Variants in RPRD1B observed in about 807,000 individuals in gnomAD.
RPRD1B encodes the protein regulation of nuclear pre-mRNA domain-containing protein 1B.
In RPRD1B, 11 loss-of-function variants were observed where a neutral mutation model predicts 41.5. The observed-to-expected ratio is 0.27, with a 90% CI of 0.17 to 0.44. The LOEUF is 0.44. Among genes scored for constraint, RPRD1B ranks in the 20% least tolerant of loss-of-function variants. RPRD1B has a pLI of 1.00. For missense variants in RPRD1B, 248 were observed against 389.9 expected, an observed-to-expected ratio of 0.64 and a Z score of 3.06; for synonymous variants, 158 against 155.6, an observed-to-expected ratio of 1.02 and a Z score of -0.12.
At position 38,090,062 on chromosome 20, in the gene RPRD1B, C is replaced by T. The variant is rs1034471822; in HGVS notation, c.*187C>T. On this transcript the variant is annotated 3_prime_UTR_variant, in exon 7 of 7. Transcript: ENST00000373433. ...TCTTGAGCACAGTTCAGAACAGTGG[C>T]GACTGGAATCTGGTTTATATTCATA... 31 of 1,323,992 alleles carry T rather than the reference C, an allele frequency of 2.3e-5. No individual in the cohort carries two copies. The South Asian group carries it at 3.2e-4, about 14-fold the overall frequency. The allele number at this position is 1,323,992 out of a possible 1,614,324, so 82.0% of individuals were successfully genotyped here. A position where few individuals can be genotyped will look rare whatever the true frequency, so the allele number is the denominator to read the frequency against.
chr20:38,086,046 C>CA (rs2074558076), intron 6 of RPRD1B, among the ~76,000 whole-genome samples: 3 of 152,054 alleles, frequency 2.0e-5, no homozygotes, highest in Non-Finnish European at 2.9e-5. Flanking sequence ...CATGTTCGGG[C>CA]ACAAGTGATC....
chr20:38,041,323 C>G lies in RPRD1B; in HGVS notation c.281+759C>G, dbSNP rs539156254. ...GGAATTGGGAAACATGAATGGGAGA[C>G]TAGTAGGTTAAACATAAATTGTTAC... is the stretch of plus-strand genomic sequence containing the variant. On this transcript the variant is annotated intron_variant, in intron 2 of 6. Coordinates refer to ENST00000373433, the MANE Select transcript of RPRD1B (RefSeq NM_021215.4). 2.6e-5 allele frequency among the ~76,000 whole-genome samples: 4 copies of G among 152,128 alleles called. No individual in the cohort carries two copies. In the East Asian group the frequency reaches 7.7e-4, roughly 29 times the overall value.
chr20:38,055,223 A>G (rs1568650196), intron 3 of RPRD1B, among the ~76,000 whole-genome samples: 2 of 152,238 alleles, frequency 1.3e-5, no homozygotes, highest in African/African-American at 2.4e-5. Flanking sequence ...TGTAACAACA[A>G]ATTAGAAACA....
intron 6 of RPRD1B, among the ~76,000 whole-genome samples, chr20:38,080,612 G>A (rs955934217): frequency 1.3e-5 from 2 of 152,074 alleles, no homozygotes; most frequent in Non-Finnish European, 2.9e-5. Flanking sequence ...TGCAACCTCC[G>A]CCTCCCAGAT....
chr20:38,066,180 G>T lies in RPRD1B; in HGVS notation c.755G>T (p.Arg252Leu), dbSNP rs765188948. ...GRLAAELEDR[R>L]QLARMLVEYT... Reference sequence around the variant, plus strand: ...CTGGCAGCAGAACTGGAGGACCGTCGCCAGCTGGCTCGGATGTTGGTGGAG... The same window carrying T: ...CTGGCAGCAGAACTGGAGGACCGTCTCCAGCTGGCTCGGATGTTGGTGGAG... Residue 252 changes from arginine to leucine, a missense_variant, in exon 6 of 7, where the codon CGC (arginine) becomes CTC (leucine). Physicochemically the swap from Arg to Leu is moderately radical, Grantham distance 102. Transcript: ENST00000373433. 6.2e-7 allele frequency: 1 copy of T among 1,614,154 alleles called. No individual in the cohort carries two copies. Among genetic ancestry groups the T allele is most frequent in the Non-Finnish European group, 8.5e-7 (1 of 1,180,032 alleles).
chr20:38,054,611 GGTCT>G (rs1322451571), intron 3 of RPRD1B, among the ~76,000 whole-genome samples: 36 of 152,214 alleles, frequency 2.4e-4, no homozygotes, highest in Non-Finnish European at 4.7e-4. Flanking sequence ...CAAAGGCATG[GGTCT>G]GTCTAAGTCC....
intron 3 of RPRD1B, among the ~76,000 whole-genome samples, chr20:38,049,320 C>T (rs963997714): frequency 5.3e-5 from 8 of 151,584 alleles, no homozygotes; most frequent in African/African-American, 1.9e-4. Flanking sequence ...TTTTGCAAAG[C>T]CCTTAATAAG....
chr20:38,086,725 C>G (rs76423214), intron 6 of RPRD1B, among the ~76,000 whole-genome samples: 4 of 152,178 alleles, frequency 2.6e-5, no homozygotes, highest in African/African-American at 9.7e-5. Context: ...CCTGCTCTTA[C>G]AATAGGCGTC....
At chr20:38,070,459 C>A in intron 6 of RPRD1B, 1 of 985,492 alleles carries the variant, frequency 1.0e-6, no homozygotes, top group South Asian at 4.7e-5. Flanking sequence ...ACCAGAAAAG[C>A]CTTCCAGCTT....
chr20:38,040,387 G>A (rs774610050), intron 1 of RPRD1B, 48 bp from the exon 2 acceptor site: 15 of 1,486,588 alleles, frequency 1.0e-5, no homozygotes, highest in Non-Finnish European at 1.3e-5. Context: ...ATTGTGAATT[G>A]AGAATTTCTT....
chr20:38,063,253 C>T (rs998641234), intron 5 of RPRD1B, among the ~76,000 whole-genome samples: 2 of 152,186 alleles, frequency 1.3e-5, no homozygotes, highest in African/African-American at 2.4e-5. Flanking sequence ...ATCCCCCCCA[C>T]CTTCCAGTGC....
Position 38,048,366 on chromosome 20 carries a change from T to TA in RPRD1B, c.306dup (p.Pro103ThrfsTer57). 6.2e-7 allele frequency: 1 copy of TA among 1,613,646 alleles called. No individual in the cohort carries two copies. Among genetic ancestry groups the TA allele is most frequent in the Non-Finnish European group, 8.5e-7 (1 of 1,179,658 alleles). On this transcript the variant is annotated frameshift_variant, in exon 3 of 7. Coordinates refer to ENST00000373433, the MANE Select transcript of RPRD1B (RefSeq NM_021215.4). LOFTEE classifies it high-confidence loss of function. ...TGGGCAGAGAGGCAGATGAAGGCTGTAAAAAACCTTTAGAAAGATTGCTGA... is the reference window on the plus strand; with the variant it reads ...TGGGCAGAGAGGCAGATGAAGGCTGTAAAAAAACCTTTAGAAAGATTGCTGA...
intron 5 of RPRD1B, among the ~76,000 whole-genome samples, chr20:38,060,772 C>T (rs950623743): frequency 2.6e-5 from 4 of 152,120 alleles, no homozygotes; most frequent in African/African-American, 9.7e-5. Context: ...CTGGGACCTG[C>T]AGTCTCTTGA....
At chr20:38,047,495 A>G (rs2074132778) in intron 2 of RPRD1B, among the ~76,000 whole-genome samples, 1 of 150,836 alleles carries the variant, frequency 6.6e-6, no homozygotes, top group Non-Finnish European at 1.5e-5. Flanking sequence ...AAAGTCATTC[A>G]GTATAAGATC....
Position 38,090,891 on chromosome 20 carries a change from CTG to C in RPRD1B, c.*1018_*1019del. ...CAAATAGGACGCTGAGCAGGTCCGTCTGTCATGTCACGCCACTGCACAGGTCC... is the reference window on the plus strand; with the variant it reads ...CAAATAGGACGCTGAGCAGGTCCGTCTCATGTCACGCCACTGCACAGGTCC... On this transcript the variant is annotated 3_prime_UTR_variant, in exon 7 of 7. Transcript: ENST00000373433. 1 of 985,452 alleles carries C rather than the reference CTG, an allele frequency of 1.0e-6. No individual in the cohort carries two copies. The highest frequency in any genetic ancestry group is 1.2e-6 in the Non-Finnish European group (1 of 829,946). 61.0% of individuals were successfully genotyped at this position (985,452 alleles called of 1,614,324 possible).
At chr20:38,037,020 A>G (rs539751792) in intron 1 of RPRD1B, among the ~76,000 whole-genome samples, 4 of 152,330 alleles carry the variant, frequency 2.6e-5, no homozygotes, top group South Asian at 2.1e-4. Context: ...ACACTGAAAG[A>G]AAAGGATTCT....
intron 5 of RPRD1B, among the ~76,000 whole-genome samples, chr20:38,061,611 C>T (rs1411906657): frequency 4.6e-5 from 7 of 152,018 alleles, no homozygotes; most frequent in Non-Finnish European, 7.4e-5. Flanking sequence ...TTTTTCTTGA[C>T]CTCATATCTT....
At chr20:38,040,338 T>C in intron 1 of RPRD1B, 97 bp from the exon 2 acceptor site, 1 of 971,942 alleles carries the variant, frequency 1.0e-6, no homozygotes, top group Non-Finnish European at 1.4e-6. Context: ...AGATAATACT[T>C]GTCTTAATGT....
intron 2 of RPRD1B, among the ~76,000 whole-genome samples, chr20:38,041,464 A>G (rs2074065412): frequency 6.6e-6 from 1 of 152,232 alleles, no homozygotes; most frequent in Non-Finnish European, 1.5e-5. Context: ...AATGACACCT[A>G]GCTTTCTAGA....
Sources: allele counts gnomAD v4.1 joint callset (sites outside exome capture counted in the v4.1 genomes callset), GRCh38; gene constraint gnomAD v4.1.1; transcripts MANE v1.5; gene names NCBI Gene and HGNC (gene_info 2026-07-23, HGNC 2026-07-21).